Variants in GYS1 observed in about 807,000 individuals in gnomAD.
GYS1 encodes glycogen synthase 1.
GYS1 carries 60 observed loss-of-function variants against 89.1 expected under a neutral mutation model. The ratio of observed to expected loss-of-function variants is 0.67; its 90% CI spans 0.55 to 0.84. GYS1 has a LOEUF of 0.84. Ranked by LOEUF, GYS1 falls within the 40% of genes least tolerant of loss-of-function variation. GYS1 has a pLI of 0.00. For synonymous variants in GYS1, 366 were observed against 401.7 expected (o/e 0.91, Z 1.06); for missense variants, 888 against 1,003.1 (o/e 0.89, Z 1.55).
In GYS1 at chr19:48,982,306, C is replaced by T; in HGVS notation, c.1011G>A (p.Lys337=). 1 of 1,613,882 alleles carries T rather than the reference C, an allele frequency of 6.2e-7. No individual in the cohort carries two copies. The highest frequency in any genetic ancestry group is 1.6e-4 in the Middle Eastern group (1 of 6,062). Residue 337 remains lysine, a synonymous_variant, in exon 7 of 16, where the codon AAG becomes AAA. Coordinates refer to ENST00000323798, the MANE Select transcript of GYS1 (RefSeq NM_002103.5). The part of the protein sequence containing the change: ...FIAGRYEFSN[K]GADVFLEALA... The stretch of plus-strand genomic sequence containing the variant: ...ATGCCTCCAGGAAGACGTCAGCACC[C>T]TTGTTGGAGAACTCATAGCGGCCGG...
chr19:48,992,910 G>T, intron 1 of GYS1, 85 bp downstream of exon 1: 1 of 829,390 alleles, frequency 1.2e-6, no homozygotes, highest in Non-Finnish European at 2.1e-6. Context: ...TCCCCTAGTA[G>T]CCCCGTCCTC....
chr19:48,974,068 C>T (rs1199121656), intron 12 of GYS1, 145 bp downstream of exon 12: 45 of 850,558 alleles, frequency 5.3e-5, no homozygotes, highest in Admixed American at 2.0e-4. Flanking sequence ...CACAAAAGCA[C>T]GCGCTGTAGC....
At position 48,974,721 on chromosome 19, in the gene GYS1, G is replaced by A. The variant is rs748140171; in HGVS notation, c.1321C>T (p.Pro441Ser). Reference protein sequence around the residue: ...AIFATQRQSFPPVCTHNMLDD... With the variant: ...AIFATQRQSFSPVCTHNMLDD... ...AGCATATTGTGGGTGCACACAGGGG[G>A]GAAAGACTGCCGCTGCAGGAGCCAC... Residue 441 changes from proline to serine, a missense_variant, in exon 11 of 16, where the codon CCC becomes TCC. Transcript: ENST00000323798. 1 of 1,612,064 alleles carries A rather than the reference G, an allele frequency of 6.2e-7. No homozygotes were observed. Among genetic ancestry groups the A allele is most frequent in the Non-Finnish European group, 8.5e-7 (1 of 1,178,282 alleles).
intron 8 of GYS1, among the ~76,000 whole-genome samples, chr19:48,980,889 C>T (rs4802531): frequency 0.087 from 13,179 of 151,432 alleles, 777 homozygotes; most frequent in Admixed American, 0.14. Flanking sequence ...CTGAGGCAGG[C>T]GGAACACCTG....
At chr19:48,978,286 C>T (rs539212212) in intron 8 of GYS1, 129 bp from the exon 9 acceptor site, 63 of 804,340 alleles carry the variant, frequency 7.8e-5, no homozygotes, top group African/African-American at 2.0e-4. Flanking sequence ...AATGCAATGG[C>T]GTGATCTCGG....
Position 48,982,736 on chromosome 19 carries a change from G to A in GYS1, c.925C>T (p.Arg309Trp), listed in dbSNP as rs751793292. ...QSKARIQEFV[R>W]GHFYGHLDFN... Reference sequence around the variant, plus strand: ...CCCACGTACCCATAAAAATGGCCCCGCACAAACTCCTGGATTCGAGCCTTG... The same window carrying A: ...CCCACGTACCCATAAAAATGGCCCCACACAAACTCCTGGATTCGAGCCTTG... Residue 309 changes from arginine to tryptophan, a missense_variant, in exon 6 of 16, where the codon CGG (arginine) becomes TGG (tryptophan). Coordinates refer to ENST00000323798, the MANE Select transcript of GYS1 (RefSeq NM_002103.5). The A allele has an allele frequency of 1.9e-6, 3 of 1,610,024 alleles. No homozygotes were observed. Among genetic ancestry groups the A allele is most frequent in the Admixed American group, 1.7e-5 (1 of 59,986 alleles).
intron 11 of GYS1, 116 bp downstream of exon 11, chr19:48,974,500 GTTCT>G (rs2038614167): frequency 4.8e-6 from 5 of 1,042,966 alleles, no homozygotes; most frequent in Non-Finnish European, 7.4e-6. Flanking sequence ...AGAAGCCAGG[GTTCT>G]TTCTAACCAC....
In GYS1 at chr19:48,991,386, G is replaced by A. The variant is rs773065230; in HGVS notation, c.216C>T (p.Gly72=). The change falls in exon 2 of 16, where the codon GGC becomes GGT. Residue 72 remains glycine (G), a synonymous_variant. Coordinates refer to ENST00000323798, the MANE Select transcript of GYS1 (RefSeq NM_002103.5). The surrounding 1 kb of genome is among the most constrained non-coding windows in gnomAD (Gnocchi z 4.7). ...CCAGCAGTTCCACCTGGGTCCTCAC[G>A]CCCTGCTCCGTGTACGGCCCCACCA... ...YFLVGPYTEQ[G]VRTQVELLEA... 1.2e-5 allele frequency: 20 copies of A among 1,613,948 alleles called. No homozygotes were observed. The highest frequency in any genetic ancestry group is 1.6e-4 in the Middle Eastern group (1 of 6,084).
At chr19:48,980,141 T>C (rs2038735810) in intron 8 of GYS1, among the ~76,000 whole-genome samples, 1 of 151,980 alleles carries the variant, frequency 6.6e-6, no homozygotes, top group Non-Finnish European at 1.5e-5. Flanking sequence ...TCCAGCCCCA[T>C]GGGACTCCCC....
chr19:48,975,623 C>T lies in GYS1; in HGVS notation c.1309-890G>A, dbSNP rs538633060. ...TGGAGACTGCTGGGAGTTGTAGTTT[C>T]CTTATGAAAATTCACTTCCAACCAC... On this transcript the variant is annotated intron_variant, in intron 10 of 15. Coordinates refer to ENST00000323798, the MANE Select transcript of GYS1 (RefSeq NM_002103.5). Among the ~76,000 whole-genome samples, 23 of 151,962 alleles carry T rather than the reference C, an allele frequency of 1.5e-4. No individual in the cohort carries two copies. The South Asian group carries it at 4.8e-3, about 32-fold the overall frequency.
At chr19:48,978,586 C>T (rs2038698648) in intron 8 of GYS1, among the ~76,000 whole-genome samples, 1 of 148,906 alleles carries the variant, frequency 6.7e-6, no homozygotes, top group African/African-American at 2.5e-5. Flanking sequence ...GGCTGGAGCG[C>T]AGTGGTGCGA....
At position 48,982,748 on chromosome 19, in the gene GYS1, G is replaced by A. The variant is rs2122509752; in HGVS notation, c.913C>T (p.Gln305Ter). 1 of 1,613,196 alleles carries A rather than the reference G, an allele frequency of 6.2e-7. No homozygotes were observed. Among genetic ancestry groups the A allele is most frequent in the Non-Finnish European group, 8.5e-7 (1 of 1,179,208 alleles). ...NLHAQSKARI[Q>*]EFVRGHFYGH... ...TAAAAATGGCCCCGCACAAACTCCT[G>A]GATTCGAGCCTTGCTCTGAGCATGG... is the stretch of plus-strand genomic sequence containing the variant. Residue 305 changes from glutamine (Q) to a stop codon, truncating the protein, a stop_gained, in exon 6 of 16, where the codon CAG (glutamine) becomes TAG (stop). Transcript: ENST00000323798. LOFTEE classifies it high-confidence loss of function.
At chr19:48,983,983 C>T (rs1231862989) in intron 5 of GYS1, among the ~76,000 whole-genome samples, 1 of 152,158 alleles carries the variant, frequency 6.6e-6, no homozygotes, top group African/African-American at 2.4e-5. Flanking sequence ...CAGCTTAGGA[C>T]TTAGGATGGT....
chr19:48,980,752 G>A (rs1354062415), intron 8 of GYS1, among the ~76,000 whole-genome samples: 2 of 152,096 alleles, frequency 1.3e-5, no homozygotes, highest in Non-Finnish European at 2.9e-5. Flanking sequence ...TGCCAAGGCG[G>A]CTGGATCACC....
At chr19:48,992,889 G>C (rs2038960839) in intron 1 of GYS1, 106 bp downstream of exon 1, 1 of 771,266 alleles carries the variant, frequency 1.3e-6, no homozygotes, top group African/African-American at 1.7e-5. Context: ...CCTTGCCCAG[G>C]TCACAAGGGT....
In GYS1 at chr19:48,991,720, T is replaced by G. The variant is rs2122543001; in HGVS notation, c.119-237A>C. 2.6e-5 allele frequency among the ~76,000 whole-genome samples: 4 copies of G among 151,960 alleles called. 2 individuals carry two copies. The highest frequency in any genetic ancestry group is 2.6e-4 in the Admixed American group (4 of 15,278). ...GAGAAGGGGGCTGGGGTCAGGACCC[T>G]GAAGGAGGAGGGGGCTCAGGCTAGA... On this transcript the variant is annotated intron_variant, in intron 1 of 15. Coordinates refer to ENST00000323798, the MANE Select transcript of GYS1 (RefSeq NM_002103.5). The surrounding 1 kb of genome is among the most constrained non-coding windows in gnomAD (Gnocchi z 4.7).
chr19:48,970,151 C>T (rs535961158), intron 14 of GYS1: 62 of 498,758 alleles, frequency 1.2e-4, no homozygotes, highest in Middle Eastern at 5.6e-4. Context: ...TAAACACGGT[C>T]TTGTTCTGTT....
rs898814115 is a variant in GYS1 at position 48,982,446 on chromosome 19, C to T, written c.942-71G>A. 6.2e-5 allele frequency: 99 copies of T among 1,587,128 alleles called. No individual in the cohort carries two copies. In the Admixed American group the frequency reaches 1.6e-3, roughly 26 times the overall value. The stretch of plus-strand genomic sequence containing the variant: ...TAGCCCTGGCCTCAAAACTACAAAT[C>T]CCAGAAGCTATGGGTGGGGGGGCAG... On this transcript the variant is annotated intron_variant, in intron 6 of 15. Transcript: ENST00000323798.
intron 10 of GYS1, among the ~76,000 whole-genome samples, chr19:48,976,983 T>C (rs2038663662): frequency 6.6e-6 from 1 of 151,932 alleles, no homozygotes; most frequent in South Asian, 2.1e-4. Context: ...GAGACAGGGT[T>C]TCATCATGTT....
Sources: allele counts gnomAD v4.1 joint callset (sites outside exome capture counted in the v4.1 genomes callset), GRCh38; gene constraint gnomAD v4.1.1; non-coding constraint Gnocchi (gnomAD v3.1); transcripts MANE v1.5; gene names NCBI Gene and HGNC (gene_info 2026-07-23, HGNC 2026-07-21).